SEMA4D: variants seen among roughly 807,000 people sequenced by gnomAD.
SEMA4D encodes the protein semaphorin-4D.
In SEMA4D, 22 loss-of-function variants were observed where a neutral mutation model predicts 74.8. The ratio of observed to expected loss-of-function variants is 0.29; its 90% CI spans 0.21 to 0.42. The LOEUF (loss-of-function observed/expected upper bound fraction) is 0.42, where lower values mean the gene tolerates loss of function less well. Among genes scored for constraint, SEMA4D ranks in the 10% least tolerant of loss-of-function variants. SEMA4D has a pLI of 1.00. For synonymous variants in SEMA4D, 445 were observed against 463.7 expected (o/e 0.96, Z 0.52); for missense variants, 937 against 1,118.4 (o/e 0.84, Z 2.31).
chr9:89,453,218 A>G (rs895293477), intron 2 of SEMA4D, among the ~76,000 whole-genome samples: 31 of 152,254 alleles, frequency 2.0e-4, no homozygotes, highest in African/African-American at 6.5e-4. Context: ...CAGCACCCAC[A>G]CAGTGCACTT....
Position 89,392,414 on chromosome 9 carries a change from C to T in SEMA4D, c.622+9G>A. The T allele has an allele frequency of 6.3e-7, 1 of 1,586,092 alleles. No individual in the cohort carries two copies. Among genetic ancestry groups the T allele is most frequent in the Non-Finnish European group, 8.7e-7 (1 of 1,154,726 alleles). ...GCACCTCCCACTAAGGTGCACTGCT[C>T]TTCCTTACCGTTCAGCCAAGGGATT... On this transcript the variant is annotated intron_variant, in intron 8 of 15. Transcript: ENST00000422704.
At chr9:89,376,544 C>T (rs991167308), downstream of SEMA4D, 2 of 342,970 alleles carry the variant, frequency 5.8e-6, no homozygotes, top group East Asian at 1.0e-4. Flanking sequence ...AACAGCAGAG[C>T]TTAGTGGCTG....
chr9:89,364,190 C>T, intron 16 of SEMA4D: 1 of 748,058 alleles, frequency 1.3e-6, no homozygotes, highest in Non-Finnish European at 2.1e-6. Flanking sequence ...TTTTTCAAAG[C>T]ACACCTGTGT....
rs1284425940 is a variant in SEMA4D, at chr9:89,362,424, C to T, written c.2195G>A (p.Ser732Asn). ...TGGCTACAGGGTGTCCTTGCTACAG[C>T]TTTCCTGAAAGAACAATGTGGTCTT... is the stretch of plus-strand genomic sequence containing the variant. Residue 732 changes from serine to asparagine, a missense_variant, in exon 19 of 19, where the codon AGC (serine) becomes AAC (asparagine). Transcript: ENST00000339861. 4 of 1,614,054 alleles carry T rather than the reference C, an allele frequency of 2.5e-6. No homozygotes were observed. The South Asian group carries it at 3.3e-5, about 13-fold the overall frequency.
Position 89,381,129 on chromosome 9 carries a change from C to T in SEMA4D, c.1620-31G>A. ...AAACAACCGGCACGTGTTATTCACC[C>T]ACACACATGGGGGACATCCCCAGGC... On this transcript the variant is annotated intron_variant, in intron 14 of 15. Transcript: ENST00000422704. The surrounding 1 kb of genome is among the most constrained non-coding windows in gnomAD (Gnocchi z 4.6). 4 of 1,614,148 alleles carry T rather than the reference C, an allele frequency of 2.5e-6. No individual in the cohort carries two copies. The East Asian group carries it at 8.9e-5, about 36-fold the overall frequency.
At chr9:89,386,569 C>T in intron 12 of SEMA4D, 87 bp from the exon 13 acceptor site, 1 of 769,436 alleles carries the variant, frequency 1.3e-6, no homozygotes, top group Non-Finnish European at 2.3e-6. Flanking sequence ...TCACACTCTT[C>T]ACTCTCAAGT....
At chr9:89,361,275 A>G (rs1184695691) in exon 19 of SEMA4D, 2 of 152,220 alleles carry the variant, frequency 1.3e-5, no homozygotes, top group African/African-American at 2.4e-5. Flanking sequence ...CAGGCGATGT[A>G]TGCTGATCCC....
At chr9:89,450,687 A>AAAAAAAAAAT in intron 2 of SEMA4D, 3 of 982,322 alleles carry the variant, frequency 3.1e-6, no homozygotes, top group East Asian at 2.5e-5. Flanking sequence ...AAAAAAAAAA[A>AAAAAAAAAAT]GGCCTCCAAG....
At chr9:89,417,658 G>A (rs1475940014) in intron 2 of SEMA4D, among the ~76,000 whole-genome samples, 2 of 152,194 alleles carry the variant, frequency 1.3e-5, no homozygotes, top group Non-Finnish European at 2.9e-5. Context: ...GTGACCTGGA[G>A]AGCCCTCTTA....
rs1840075988 is a variant in SEMA4D at position 89,392,487 on chromosome 9, G to A, written c.558C>T (p.Pro186=). 6.2e-7 allele frequency: 1 copy of A among 1,613,790 alleles called. No homozygotes were observed. Among genetic ancestry groups the A allele is most frequent in the Admixed American group, 1.7e-5 (1 of 59,994 alleles). The change falls in exon 8 of 16, where the codon CCC becomes CCT. Residue 186 remains proline (P), a synonymous_variant. Transcript: ENST00000422704. ...TGTGGGAAGAATTTCGGGAGATGATGGGTTCACTTCCCAAAAAATTATACG... is the reference window on the plus strand; with the variant it reads ...TGTGGGAAGAATTTCGGGAGATGATAGGTTCACTTCCCAAAAAATTATACG... ...GTSYNFLGSE[P]IISRNSSHSP...
chr9:89,432,047 C>T (rs1274669299), intron 2 of SEMA4D, among the ~76,000 whole-genome samples: 2 of 152,182 alleles, frequency 1.3e-5, no homozygotes, highest in Admixed American at 1.3e-4. Context: ...CCATCTGTTC[C>T]CCCAGGAGAG....
chr9:89,432,789 AAT>A (rs1849559424), intron 2 of SEMA4D, among the ~76,000 whole-genome samples: 1 of 152,250 alleles, frequency 6.6e-6, no homozygotes, highest in African/African-American at 2.4e-5. Context: ...GTGGGAATGC[AAT>A]ACAGTGTAGC....
chr9:89,444,567 G>A (rs1371272362), intron 2 of SEMA4D, among the ~76,000 whole-genome samples: 1 of 152,036 alleles, frequency 6.6e-6, no homozygotes, highest in African/African-American at 2.4e-5. Flanking sequence ...GTCAAAGGAC[G>A]GATTATTGAC....
exon 19 of SEMA4D, chr9:89,362,307 TGTG>T: frequency 6.2e-7 from 1 of 1,607,100 alleles, no homozygotes; most frequent in East Asian, 2.2e-5. Context: ...AGTTCACAGT[TGTG>T]GGGGACCAGG....
chr9:89,431,246 C>A (rs537915645), intron 2 of SEMA4D, among the ~76,000 whole-genome samples: 2 of 152,310 alleles, frequency 1.3e-5, no homozygotes, highest in Non-Finnish European at 2.9e-5. Flanking sequence ...TGACTCCTAA[C>A]CCTGGCGGCT....
chr9:89,405,512 C>G lies in SEMA4D; in HGVS notation c.-56G>C. ...GCAAAGGCTCACGGCAGCAGGTGGC[C>G]GGGCAGGTGTGCTATTGCAGATGCG... On this transcript the variant is annotated 5_prime_UTR_variant, in exon 3 of 16. Transcript: ENST00000422704. 1 of 1,602,362 alleles carries G rather than the reference C, an allele frequency of 6.2e-7. No individual in the cohort carries two copies. Among genetic ancestry groups the G allele is most frequent in the Non-Finnish European group, 8.5e-7 (1 of 1,176,802 alleles).
intron 2 of SEMA4D, among the ~76,000 whole-genome samples, chr9:89,453,573 C>A (rs139382429): frequency 1.6e-3 from 242 of 152,364 alleles, no homozygotes; most frequent in African/African-American, 5.5e-3. Context: ...GCAGTAGAGA[C>A]CCCAGTACCC....
intron 2 of SEMA4D, among the ~76,000 whole-genome samples, chr9:89,432,278 A>T (rs938076033): frequency 1.3e-5 from 2 of 152,252 alleles, no homozygotes; most frequent in Admixed American, 6.5e-5. Context: ...GTACTACCAC[A>T]GAATGGATTG....
In SEMA4D at chr9:89,461,195, A is replaced by C. The variant is rs531346045; in HGVS notation, c.-309-5242T>G. Among the ~76,000 whole-genome samples the C allele has an allele frequency of 3.9e-5, 6 of 152,266 alleles. No homozygotes were observed. The South Asian group carries it at 1.2e-3, about 32-fold the overall frequency. On this transcript the variant is annotated intron_variant, in intron 1 of 15. Coordinates refer to ENST00000422704, the MANE Select transcript of SEMA4D (RefSeq NM_001371194.2). ...AAAATGACCAGAAAAAATAATTACAAGGCTTAAGGTGGTGTGGAAGTGTGA... is the reference window on the plus strand; with the variant it reads ...AAAATGACCAGAAAAAATAATTACACGGCTTAAGGTGGTGTGGAAGTGTGA...
Sources: gnomAD v4.1 joint callset for allele counts (sites outside exome capture counted in the v4.1 genomes callset) on GRCh38, gnomAD v4.1.1 for gene constraint, Gnocchi (gnomAD v3.1) non-coding constraint, MANE v1.5 for transcripts, NCBI Gene and HGNC (gene_info 2026-07-23, HGNC 2026-07-21) for gene names.